The following SPATA22 variants were observed in gnomAD, a reference collection of about 807,000 sequenced individuals.
The protein encoded by SPATA22 is spermatogenesis associated 22.
A neutral mutation model predicts 47.8 loss-of-function variants in SPATA22; 29 were observed. That is an observed-to-expected ratio of 0.61 (90% CI 0.45 to 0.83). The LOEUF (loss-of-function observed/expected upper bound fraction) is 0.83. SPATA22 is among the 40% of genes least tolerant of loss of function. SPATA22 has a pLI of 0.00. For synonymous variants in SPATA22, 133 were observed against 140.9 expected, an observed-to-expected ratio of 0.94 and a Z score of 0.40; for missense variants, 410 against 421.7, an observed-to-expected ratio of 0.97 and a Z score of 0.24.
chr17:3,445,588 C>T (rs1252237765), intron 7 of SPATA22, among the ~76,000 whole-genome samples: 2 of 152,146 alleles, frequency 1.3e-5, no homozygotes, highest in Non-Finnish European at 2.9e-5. Flanking sequence ...TTTTTAGCTG[C>T]TAAGTTTCCA....
At chr17:3,470,093 CAAAAAAAAAAAAA>C (rs57432043) in intron 1 of SPATA22, among the ~76,000 whole-genome samples, 1 of 54,302 alleles carries the variant, frequency 1.8e-5, no homozygotes, top group South Asian at 9.8e-4. Context: ...GACTCCATCT[CAAAAAAAAAAAAA>C]AAAAAAAAAG....
At chr17:3,467,279 T>C in intron 3 of SPATA22, 147 bp downstream of exon 3, 1 of 595,188 alleles carries the variant, frequency 1.7e-6, no homozygotes, top group East Asian at 3.3e-5. Flanking sequence ...TGACCTGGAA[T>C]GTTCAGAAAG....
intron 5 of SPATA22, among the ~76,000 whole-genome samples, chr17:3,456,194 A>C (rs568880015): frequency 1.3e-5 from 2 of 152,166 alleles, no homozygotes; most frequent in African/African-American, 4.8e-5. Context: ...AAGTAACTAA[A>C]ATCAGAGCAG....
At chr17:3,449,228 T>G in intron 5 of SPATA22, 79 bp from the exon 6 acceptor site, 2 of 1,072,642 alleles carry the variant, frequency 1.9e-6, no homozygotes, top group Middle Eastern at 2.9e-4. Context: ...AAAAATTCAT[T>G]TATATGGCAA....
chr17:3,491,678 G>A (rs185995581), intron 1 of SPATA22, among the ~76,000 whole-genome samples: 94 of 152,048 alleles, frequency 6.2e-4, no homozygotes, highest in African/African-American at 2.2e-3. Flanking sequence ...AACCAAGGAG[G>A]CAGAGATTGC....
At chr17:3,494,543 C>T (rs771080216) in intron 1 of SPATA22, 11 of 1,133,864 alleles carry the variant, frequency 9.7e-6, no homozygotes, top group Admixed American at 5.2e-5. Flanking sequence ...CAGCACTTCG[C>T]GTACATTCGC....
rs927222870 is a variant in SPATA22, at chr17:3,481,880, C to G, written c.-73-12482G>C. On this transcript the variant is annotated intron_variant, in intron 1 of 8. Coordinates refer to the SPATA22 transcript ENST00000541913. The stretch of plus-strand genomic sequence containing the variant: ...TTATGGATGTGAGACAATCAGAAAA[C>G]AGTTATGAGGGAAGGTGCAAGAGAA... The G allele has an allele frequency of 5.4e-6, 7 of 1,294,526 alleles. No individual in the cohort carries two copies. The Admixed American group carries it at 1.0e-4, about 19-fold the overall frequency. The allele number at this position is 1,294,526 out of a possible 1,614,324, so 80.2% of individuals were successfully genotyped here.
intron 5 of SPATA22, among the ~76,000 whole-genome samples, chr17:3,450,379 A>G (rs1567594885): frequency 6.6e-6 from 1 of 152,238 alleles, no homozygotes; most frequent in African/African-American, 2.4e-5. Context: ...AGAAAGCACA[A>G]TTACAACAAT....
upstream of SPATA22, chr17:3,472,060 G>T: frequency 5.8e-6 from 1 of 171,932 alleles, no homozygotes; most frequent in Non-Finnish European, 1.2e-5. Flanking sequence ...ACCGGCCTCA[G>T]CCCCACCATC....
At chr17:3,465,766 G>C (rs1316425077) in intron 3 of SPATA22, among the ~76,000 whole-genome samples, 1 of 125,522 alleles carries the variant, frequency 8.0e-6, no homozygotes, top group Non-Finnish European at 1.8e-5. Context: ...AAACACCCAA[G>C]AATGATCAAT....
At chr17:3,495,165 C>A (rs544772470) in intron 1 of SPATA22, among the ~76,000 whole-genome samples, 5 of 152,176 alleles carry the variant, frequency 3.3e-5, no homozygotes, top group African/African-American at 1.2e-4. Flanking sequence ...GAGAGAAGAA[C>A]AGATTTCCAA....
chr17:3,442,206 T>C (rs2072613145), intron 8 of SPATA22, among the ~76,000 whole-genome samples: 1 of 152,036 alleles, frequency 6.6e-6, no homozygotes, highest in Non-Finnish European at 1.5e-5. Context: ...TTCAAGATAT[T>C]ATAGGAATTG....
Position 3,499,001 on chromosome 17 carries a change from G to A in SPATA22, c.-74+14411C>T, listed in dbSNP as rs749148738. ...CCGTGTACCCCGTGTTTGTGAATGA[G>A]GCCGCATATTACGAAAAGAAAGAAG... On this transcript the variant is annotated intron_variant, in intron 1 of 8. Transcript: ENST00000541913. 5.0e-6 allele frequency: 8 copies of A among 1,614,184 alleles called. 1 individual carries two copies. In the South Asian group the frequency reaches 6.6e-5, roughly 13 times the overall value.
Position 3,464,225 on chromosome 17 carries a change from G to A in SPATA22, c.173-1458C>T, listed in dbSNP as rs1389489386. ...TCCAGCTCCTAACCGCGAGTGATCC[G>A]CCAGCCTCGGCCTCCGGAGGTGCCG... On this transcript the variant is annotated intron_variant, in intron 3 of 8. Transcript: ENST00000572969. 4.6e-5 allele frequency among the ~76,000 whole-genome samples: 7 copies of A among 151,938 alleles called. 1 individual carries two copies. In the South Asian group the frequency reaches 8.3e-4, roughly 18 times the overall value.
chr17:3,467,754 T>C (rs1454467310), intron 2 of SPATA22, among the ~76,000 whole-genome samples, 200 bp from the exon 3 acceptor site: 1 of 152,236 alleles, frequency 6.6e-6, no homozygotes, highest in Admixed American at 6.5e-5. Context: ...CAAAAAACTT[T>C]TCTTATTCTA....
chr17:3,469,051 C>T (rs192807431), intron 2 of SPATA22, among the ~76,000 whole-genome samples: 5 of 152,080 alleles, frequency 3.3e-5, no homozygotes, highest in East Asian at 3.8e-4. Context: ...TCAAGCACAT[C>T]GAATTTGTAG....
At chr17:3,449,879 G>A (rs930808469) in intron 5 of SPATA22, among the ~76,000 whole-genome samples, 10 of 151,926 alleles carry the variant, frequency 6.6e-5, no homozygotes, top group Non-Finnish European at 1.3e-4. Flanking sequence ...TGGAGACAGG[G>A]TCTCGTTCTG....
At chr17:3,443,888 A>G (rs570399369) in intron 7 of SPATA22, among the ~76,000 whole-genome samples, 1 of 152,028 alleles carries the variant, frequency 6.6e-6, no homozygotes, top group South Asian at 2.1e-4. Flanking sequence ...TGTGTGTAAG[A>G]GCACCTACAA....
intron 8 of SPATA22, among the ~76,000 whole-genome samples, chr17:3,442,174 G>A (rs1029205279): frequency 2.0e-5 from 3 of 151,746 alleles, no homozygotes; most frequent in African/African-American, 7.3e-5. Flanking sequence ...AAAAACTTCA[G>A]ACTAGATAAA....
Sources: allele counts gnomAD v4.1 joint callset (sites outside exome capture counted in the v4.1 genomes callset), GRCh38; gene constraint gnomAD v4.1.1; transcripts MANE v1.5; gene names NCBI Gene and HGNC (gene_info 2026-07-23, HGNC 2026-07-21).